XYLT1: variants seen among roughly 807,000 people sequenced by gnomAD.
The protein encoded by XYLT1 is xylosyltransferase 1.
Under a neutral mutation model 91.3 loss-of-function variants are expected in XYLT1, and 36 were observed. The ratio of observed to expected loss-of-function variants is 0.39; its 90% confidence interval spans 0.30 to 0.52. The LOEUF is 0.52. XYLT1 is among the 20% of genes least tolerant of loss of function. The pLI, the probability that XYLT1 is intolerant of heterozygous loss-of-function variation, is 0.68. For missense variants in XYLT1, 1,242 were observed against 1,284.5 expected, an observed-to-expected ratio of 0.97 and a Z score of 0.51; for synonymous variants, 588 against 532.0, an observed-to-expected ratio of 1.11 and a Z score of -1.45.
intron 1 of XYLT1, among the ~76,000 whole-genome samples, chr16:17,367,197 G>A (rs973626971): frequency 1.3e-5 from 2 of 152,138 alleles, no homozygotes; most frequent in African/African-American, 2.4e-5. Context: ...GACAATTGGC[G>A]ACACTTTACA....
Position 17,105,338 on chromosome 16 carries a change from C to A in XYLT1, c.*3357G>T, listed in dbSNP as rs1398808074. Reference sequence around the variant, plus strand: ...GGGCAGGTCCTGTGGTTCTGCTCATCCTCTCTAAACTCCATTTGCGTTTTA... The same window carrying A: ...GGGCAGGTCCTGTGGTTCTGCTCATACTCTCTAAACTCCATTTGCGTTTTA... On this transcript the variant is annotated 3_prime_UTR_variant, in exon 12 of 12. Transcript: ENST00000261381. 1 of 152,182 alleles carries A rather than the reference C, an allele frequency of 6.6e-6. No individual in the cohort carries two copies. Among genetic ancestry groups the A allele is most frequent in the Admixed American group, 6.5e-5 (1 of 15,274 alleles). The allele number at this position is 152,182 out of a possible 1,614,324, so 9.4% of individuals were successfully genotyped here.
At chr16:17,147,135 G>A (rs1458318100) in intron 6 of XYLT1, among the ~76,000 whole-genome samples, 1 of 152,174 alleles carries the variant, frequency 6.6e-6, no homozygotes, top group Non-Finnish European at 1.5e-5. Flanking sequence ...ACTCAGCGAA[G>A]ATTTTTTGTA....
chr16:17,356,954 A>G (rs1467874584), intron 2 of XYLT1, among the ~76,000 whole-genome samples: 1 of 151,936 alleles, frequency 6.6e-6, no homozygotes, highest in East Asian at 1.9e-4. Context: ...AGGTGAGCGG[A>G]TCACAAGGTC....
chr16:17,231,934 C>T (rs2033162394), intron 3 of XYLT1, among the ~76,000 whole-genome samples: 1 of 151,246 alleles, frequency 6.6e-6, no homozygotes, highest in Non-Finnish European at 1.5e-5. Flanking sequence ...TACACTTAGG[C>T]CACACTCAAT....
intron 1 of XYLT1, among the ~76,000 whole-genome samples, chr16:17,415,369 G>A (rs573616091): frequency 7.9e-4 from 121 of 152,300 alleles, no homozygotes; most frequent in Admixed American, 1.6e-3. Context: ...CAGGCAGCAG[G>A]AAAGAGGTCA....
At chr16:17,348,956 G>A (rs373399541) in intron 2 of XYLT1, among the ~76,000 whole-genome samples, 2 of 152,226 alleles carry the variant, frequency 1.3e-5, no homozygotes, top group Non-Finnish European at 2.9e-5. Flanking sequence ...CCTCCGGCTC[G>A]TAAGTCAATG....
intron 3 of XYLT1, among the ~76,000 whole-genome samples, chr16:17,222,214 A>T (rs1376076421): frequency 6.6e-6 from 1 of 152,182 alleles, no homozygotes; most frequent in African/African-American, 2.4e-5. Flanking sequence ...TGTCACAGAA[A>T]CATACTAAGT....
intron 1 of XYLT1, among the ~76,000 whole-genome samples, chr16:17,469,935 G>A (rs772412190): frequency 6.6e-6 from 1 of 152,130 alleles, no homozygotes; most frequent in Non-Finnish European, 1.5e-5. Context: ...TCGGGGACTT[G>A]GGACGCCCAG....
chr16:17,454,703 T>A (rs989845928), intron 1 of XYLT1, among the ~76,000 whole-genome samples: 2 of 151,854 alleles, frequency 1.3e-5, no homozygotes, highest in South Asian at 4.1e-4. Flanking sequence ...CACCCAGCTA[T>A]TTTTTTGTAC....
At chr16:17,299,729 C>T (rs932296070) in intron 2 of XYLT1, among the ~76,000 whole-genome samples, 3 of 152,132 alleles carry the variant, frequency 2.0e-5, no homozygotes, top group African/African-American at 7.2e-5. Flanking sequence ...CCCTAACTGC[C>T]AGAACATAGC....
intron 1 of XYLT1, among the ~76,000 whole-genome samples, chr16:17,390,913 CTG>C (rs1202082566): frequency 6.6e-6 from 1 of 152,162 alleles, no homozygotes; most frequent in African/African-American, 2.4e-5. Flanking sequence ...TGGTGCGTGA[CTG>C]TAATCCCAGC....
chr16:17,464,489 CAA>C (rs34575069), intron 1 of XYLT1, among the ~76,000 whole-genome samples: 6,223 of 119,884 alleles, frequency 0.052, 189 homozygotes, highest in African/African-American at 0.11. Flanking sequence ...AAAACTGTCT[CAA>C]AAAAAAAAAA....
rs139352058 is a variant in XYLT1, at chr16:17,426,352, G to A, written c.363+44082C>T. Among the ~76,000 whole-genome samples, 4 of 152,198 alleles carry A rather than the reference G, an allele frequency of 2.6e-5. No homozygotes were observed. In the East Asian group the frequency reaches 7.8e-4, roughly 30 times the overall value. On this transcript the variant is annotated intron_variant, in intron 1 of 11. Coordinates refer to ENST00000261381, the MANE Select transcript of XYLT1 (RefSeq NM_022166.4). ...AGGCAGATGGATCACCTGAGGTCAG[G>A]AGTTCAAGACCAGCCTGGCCAACAT...
intron 2 of XYLT1, among the ~76,000 whole-genome samples, chr16:17,310,709 C>T (rs577040475): frequency 1.8e-4 from 28 of 152,154 alleles, no homozygotes; most frequent in African/African-American, 5.8e-4. Flanking sequence ...ATTAGCCAGG[C>T]GTGGTGGCAC....
intron 1 of XYLT1, among the ~76,000 whole-genome samples, chr16:17,420,247 C>T (rs1225533522): frequency 1.3e-5 from 2 of 152,078 alleles, no homozygotes; most frequent in African/African-American, 4.8e-5. Flanking sequence ...TTTTTAATTT[C>T]GTATTTTCAA....
chr16:17,138,257 A>ATGTGATAAGAT, intron 8 of XYLT1, 98 bp downstream of exon 8: 1 of 1,438,684 alleles, frequency 7.0e-7, no homozygotes, highest in Non-Finnish European at 9.5e-7. Flanking sequence ...TTTGGGCACC[A>ATGTGATAAGAT]TGTGATAAGA....
In XYLT1 at chr16:17,126,548, G is replaced by A. The variant is rs1300852759; in HGVS notation, c.2223+1118C>T. Among the ~76,000 whole-genome samples the A allele has an allele frequency of 2.6e-5, 4 of 152,282 alleles. No individual in the cohort carries two copies. In the East Asian group the frequency reaches 7.7e-4, roughly 29 times the overall value. On this transcript the variant is annotated intron_variant, in intron 10 of 11. Transcript: ENST00000261381. ...GGGATACATACATTCGTTAGGCAGG[G>A]CCACAGAAGCTAGAGAAGGACTGTC...
chr16:17,361,961 A>T (rs1157246053), intron 1 of XYLT1, among the ~76,000 whole-genome samples: 2 of 152,322 alleles, frequency 1.3e-5, no homozygotes, highest in East Asian at 3.9e-4. Flanking sequence ...TAACCCTAAG[A>T]GGTAGATACT....
chr16:17,286,626 C>T (rs778994278), intron 2 of XYLT1, among the ~76,000 whole-genome samples: 1 of 147,676 alleles, frequency 6.8e-6, no homozygotes, highest in African/African-American at 2.5e-5. Context: ...TTCTTGAATC[C>T]TCACAACAAT....
Sources: gnomAD v4.1 joint callset for allele counts (sites outside exome capture counted in the v4.1 genomes callset) on GRCh38, gnomAD v4.1.1 for gene constraint, MANE v1.5 for transcripts, NCBI Gene and HGNC (gene_info 2026-07-23, HGNC 2026-07-21) for gene names.